ADAMTSL1: variants seen among roughly 807,000 people sequenced by gnomAD.
ADAMTSL1 encodes the protein ADAMTS like 1.
ADAMTSL1 carries 126 observed loss-of-function variants against 201.8 expected under a neutral mutation model. The ratio of observed to expected loss-of-function variants is 0.62; its 90% CI spans 0.54 to 0.72. The LOEUF (loss-of-function observed/expected upper bound fraction) is 0.72. Ranked by LOEUF, ADAMTSL1 falls within the 30% of genes least tolerant of loss-of-function variation. ADAMTSL1 has a pLI of 0.00. For missense variants in ADAMTSL1, 2,679 were observed against 2,277.8 expected (o/e 1.18, Z -3.59); for synonymous variants, 1,121 against 903.4 (o/e 1.24, Z -4.32).
At chr9:18,710,624 T>A (rs959153172) in intron 14 of ADAMTSL1, among the ~76,000 whole-genome samples, 1 of 151,264 alleles carries the variant, frequency 6.6e-6, no homozygotes, top group Non-Finnish European at 1.5e-5. Context: ...ATGTAGCCCT[T>A]ACTTTCCCCA....
chr9:18,713,541 A>G (rs941895695), intron 14 of ADAMTSL1, among the ~76,000 whole-genome samples: 54 of 152,058 alleles, frequency 3.6e-4, no homozygotes, highest in Non-Finnish European at 6.3e-4. Context: ...TTCAACAAGA[A>G]GAGCTAACTA....
chr9:18,430,129 A>G (rs1167073232), intron 2 of ADAMTSL1, among the ~76,000 whole-genome samples: 1 of 152,092 alleles, frequency 6.6e-6, no homozygotes, highest in African/African-American at 2.4e-5. Context: ...TTAAAATTTT[A>G]TATACACAAA....
At chr9:18,394,327 A>G (rs888617711) in intron 2 of ADAMTSL1, among the ~76,000 whole-genome samples, 1 of 152,238 alleles carries the variant, frequency 6.6e-6, no homozygotes, top group Non-Finnish European at 1.5e-5. Flanking sequence ...GCCTAATTCC[A>G]ATAACAGAAT....
intron 2 of ADAMTSL1, among the ~76,000 whole-genome samples, chr9:18,300,767 A>T (rs1241274217): frequency 6.6e-6 from 1 of 152,178 alleles, no homozygotes; most frequent in Non-Finnish European, 1.5e-5. Context: ...AGGCAAAGGG[A>T]AGTCCCATGA....
intron 23 of ADAMTSL1, among the ~76,000 whole-genome samples, chr9:18,867,326 C>T (rs936408408): frequency 1.3e-5 from 2 of 151,522 alleles, no homozygotes; most frequent in African/African-American, 2.4e-5. Context: ...TTTAAATAGG[C>T]TGGTACAGCA....
At chr9:18,364,460 T>A (rs1313743419) in intron 2 of ADAMTSL1, among the ~76,000 whole-genome samples, 1 of 152,148 alleles carries the variant, frequency 6.6e-6, no homozygotes, top group Non-Finnish European at 1.5e-5. Context: ...CAATATAGTT[T>A]AATCCCTTAG....
At chr9:18,819,064 C>T (rs991849637) in intron 21 of ADAMTSL1, among the ~76,000 whole-genome samples, 1 of 152,152 alleles carries the variant, frequency 6.6e-6, no homozygotes, top group African/African-American at 2.4e-5. Context: ...TCAACACACA[C>T]CTGATCACTA....
At chr9:18,853,485 T>A (rs778508216) in intron 23 of ADAMTSL1, among the ~76,000 whole-genome samples, 17 of 152,154 alleles carry the variant, frequency 1.1e-4, no homozygotes, top group Non-Finnish European at 1.5e-4. Context: ...ACAGGACCAG[T>A]TAACAGGTCC....
Position 18,466,899 on chromosome 9 carries a change from C to T in ADAMTSL1, c.208-37930C>T, listed in dbSNP as rs183691688. Among the ~76,000 whole-genome samples, 985 of 152,216 alleles carry T rather than the reference C, an allele frequency of 6.5e-3. 4 individuals carry two copies. The highest frequency in any genetic ancestry group is 0.012 in the Admixed American group (182 of 15,290). On this transcript the variant is annotated intron_variant, in intron 2 of 29. Transcript: ENST00000680146. ...ACTCTGATTTTCCGTGGTTTAATTG[C>T]TGCTCTGAAATTCAAATTTCATTTC...
rs183988918 is a variant in ADAMTSL1, at chr9:18,378,068, G to T, written c.208-126761G>T. On this transcript the variant is annotated intron_variant, in intron 2 of 29. Transcript: ENST00000680146. The stretch of plus-strand genomic sequence containing the variant: ...GAACTTGATTCTTCTCTGGGAAAAG[G>T]CATCTTCTTTCTTCCCTTTCTTTCT... Among the ~76,000 whole-genome samples the T allele has an allele frequency of 4.4e-4, 67 of 152,246 alleles. No individual in the cohort carries two copies. In the East Asian group the frequency reaches 0.012, roughly 26 times the overall value.
At position 18,145,180 on chromosome 9, in the gene ADAMTSL1, C is replaced by G. The variant is rs541217702; in HGVS notation, c.88-18682C>G. ...AAAGTAGACTGTTGAGGATAGAAAA[C>G]TTTAAAAGCTCAAAGAAAGAGACCA... is the stretch of plus-strand genomic sequence containing the variant. On this transcript the variant is annotated intron_variant, in intron 1 of 29. Transcript: ENST00000680146. Among the ~76,000 whole-genome samples the G allele has an allele frequency of 6.6e-5, 10 of 152,236 alleles. No individual in the cohort carries two copies. The East Asian group carries it at 1.9e-3, about 29-fold the overall frequency.
chr9:17,975,622 T>A (rs1818415142), intron 1 of ADAMTSL1, among the ~76,000 whole-genome samples: 1 of 152,048 alleles, frequency 6.6e-6, no homozygotes, highest in Admixed American at 6.6e-5. Context: ...TAACCTCTTA[T>A]CACAGATATG....
chr9:18,247,671 G>T (rs147918300), intron 2 of ADAMTSL1, among the ~76,000 whole-genome samples: 38 of 152,226 alleles, frequency 2.5e-4, no homozygotes, highest in African/African-American at 8.7e-4. Flanking sequence ...GTGACATGTA[G>T]GCAGAGGCCT....
intron 13 of ADAMTSL1, among the ~76,000 whole-genome samples, chr9:18,692,249 G>A (rs1462585249): frequency 6.6e-6 from 1 of 152,164 alleles, no homozygotes; most frequent in African/African-American, 2.4e-5. Context: ...AAGTTCAGAA[G>A]CTGCCTGGGT....
intron 15 of ADAMTSL1, among the ~76,000 whole-genome samples, chr9:18,724,562 T>C (rs1260808082): frequency 6.6e-6 from 1 of 152,244 alleles, no homozygotes; most frequent in African/African-American, 2.4e-5. Flanking sequence ...GAACACTTTT[T>C]AAAAATAGTC....
chr9:18,271,764 A>G (rs1832377325), intron 2 of ADAMTSL1, among the ~76,000 whole-genome samples: 1 of 152,150 alleles, frequency 6.6e-6, no homozygotes, highest in South Asian at 2.1e-4. Flanking sequence ...GTCTTCCACA[A>G]TGGTTGAACC....
intron 25 of ADAMTSL1, among the ~76,000 whole-genome samples, chr9:18,891,139 G>C (rs1033253373): frequency 7.9e-6 from 1 of 126,474 alleles, no homozygotes; most frequent in African/African-American, 3.0e-5. Flanking sequence ...CCCCTTCCCT[G>C]CTACATGCCT....
chr9:18,681,304 T>C (rs1587880555), intron 11 of ADAMTSL1: 1 of 152,424 alleles, frequency 6.6e-6, no homozygotes, highest in East Asian at 1.9e-4. Flanking sequence ...AATCTGTTTT[T>C]TTAAATGTTA....
chr9:18,130,275 C>A (rs1825896520), intron 1 of ADAMTSL1, among the ~76,000 whole-genome samples: 1 of 152,170 alleles, frequency 6.6e-6, no homozygotes, highest in Non-Finnish European at 1.5e-5. Context: ...GCAGCTCCTG[C>A]TTTCTGGCCT....
Sources: allele counts gnomAD v4.1 joint callset (sites outside exome capture counted in the v4.1 genomes callset), GRCh38; gene constraint gnomAD v4.1.1; transcripts MANE v1.5; gene names NCBI Gene and HGNC (gene_info 2026-07-23, HGNC 2026-07-21).